AK9: variants seen among roughly 807,000 people sequenced by gnomAD.
AK9 encodes adenylate kinase 9, also known as adenylate kinase domain containing 1.
In AK9, 191 loss-of-function variants were observed where a neutral mutation model predicts 239.6. The observed-to-expected ratio is 0.80, with a 90% CI of 0.71 to 0.90. The LOEUF (loss-of-function observed/expected upper bound fraction) is 0.90. Among genes scored for constraint, AK9 ranks in the 40% least tolerant of loss-of-function variants. The pLI is 0.00. For synonymous variants in AK9, 689 were observed against 721.0 expected (o/e 0.96, Z 0.71); for missense variants, 1,995 against 2,214.7 (o/e 0.90, Z 1.99).
chr6:109,632,683 G>A, intron 12 of AK9: 1 of 959,756 alleles, frequency 1.0e-6, no homozygotes. Flanking sequence ...TTCACATGTG[G>A]GAGCTTTTGG....
At chr6:109,618,804 G>A (rs1331438920) in intron 13 of AK9, among the ~76,000 whole-genome samples, 2 of 152,110 alleles carry the variant, frequency 1.3e-5, no homozygotes, top group Admixed American at 1.3e-4. Context: ...TGTAGATAAA[G>A]GTGTAAATCC....
rs542242162 is a variant in AK9, at chr6:109,601,131, T to A, written c.1842+9234A>T. Among the ~76,000 whole-genome samples, 7 of 152,336 alleles carry A rather than the reference T, an allele frequency of 4.6e-5. No individual in the cohort carries two copies. The South Asian group carries it at 1.5e-3, about 32-fold the overall frequency. ...TGCCTTCTGCTAGCTTTTGAATTTG[T>A]TTGCTCTTGTTTCTCTAGTTCTTTT... is the stretch of plus-strand genomic sequence containing the variant. On this transcript the variant is annotated intron_variant, in intron 17 of 40. Transcript: ENST00000424296.
intron 1 of AK9, among the ~76,000 whole-genome samples, chr6:109,678,523 A>G (rs1315186401): frequency 6.6e-6 from 1 of 152,204 alleles, no homozygotes; most frequent in Admixed American, 6.5e-5. Context: ...AAATATTATC[A>G]TAAGAGAAAT....
intron 17 of AK9, among the ~76,000 whole-genome samples, chr6:109,597,621 C>G (rs1791222020): frequency 6.6e-6 from 1 of 151,930 alleles, no homozygotes; most frequent in Admixed American, 6.6e-5. Context: ...TGCAGTGAGC[C>G]GAGATGGCGC....
intron 20 of AK9, among the ~76,000 whole-genome samples, chr6:109,579,035 G>T (rs1400534724): frequency 6.6e-6 from 1 of 152,124 alleles, no homozygotes; most frequent in African/African-American, 2.4e-5. Flanking sequence ...GTAATTATCT[G>T]TAAAATCTAT....
chr6:109,561,858 A>G (rs965681199), intron 24 of AK9, among the ~76,000 whole-genome samples: 1 of 151,936 alleles, frequency 6.6e-6, no homozygotes, highest in Non-Finnish European at 1.5e-5. Context: ...TGAATCTGAG[A>G]GTTTGTAATT....
intron 27 of AK9, among the ~76,000 whole-genome samples, chr6:109,534,980 A>C (rs9384710): frequency 0.59 from 89,726 of 151,980 alleles, 27,962 homozygotes; most frequent in South Asian, 0.84. Context: ...GTATATGTGC[A>C]ACATTTTCTT....
At position 109,516,549 on chromosome 6, in the gene AK9, C is replaced by G; in HGVS notation, c.3727G>C (p.Asp1243His). The G allele has an allele frequency of 1.3e-6, 2 of 1,551,558 alleles. No homozygotes were observed. The highest frequency in any genetic ancestry group is 2.0e-5 in the Admixed American group (1 of 51,012). ...TCCTCGCCACTCATCTCTTCCTCAT[C>G]TTTTGGAAACTCATCTTCAAGGATG... is the stretch of plus-strand genomic sequence containing the variant. ...ENILEDEFPK[D>H]EEEMSGEEDE... The change falls in exon 30 of 41, where the codon GAT becomes CAT. Residue 1243 changes from aspartate to histidine, a missense_variant. Asp to His is a moderately conservative substitution (Grantham distance 81). This residue lies in a region of AK9 where 1,290 missense variants were observed against 1,392.7 expected (regional missense o/e 0.93). Coordinates refer to ENST00000424296, the MANE Select transcript of AK9 (RefSeq NM_001145128.3).
rs927344089 is a variant in AK9 at position 109,509,175 on chromosome 6, T to G, written c.4481+4A>C. The G allele has an allele frequency of 5.2e-6, 8 of 1,551,572 alleles. No homozygotes were observed. Among genetic ancestry groups the G allele is most frequent in the Non-Finnish European group, 7.0e-6 (8 of 1,146,636 alleles). ...TGTCCCATCCTCTCACCCCATTCAC[T>G]TACCCTGCAGTATTGCACACACTTT... On this transcript the variant is annotated splice_donor_region_variant and intron_variant, in intron 33 of 40. Coordinates refer to ENST00000424296, the MANE Select transcript of AK9 (RefSeq NM_001145128.3).
intron 17 of AK9, among the ~76,000 whole-genome samples, chr6:109,590,255 T>C (rs950391122): frequency 6.6e-6 from 1 of 152,166 alleles, no homozygotes; most frequent in Non-Finnish European, 1.5e-5. Context: ...CTACTCCTTA[T>C]TGGTCTGTTC....
At chr6:109,610,605 A>G in intron 16 of AK9, 92 bp from the exon 17 acceptor site, 1 of 1,309,340 alleles carries the variant, frequency 7.6e-7, no homozygotes, top group Non-Finnish European at 1.0e-6. Flanking sequence ...TATCTGACCC[A>G]AGAAAGTATT....
rs1336871189 is a variant in AK9, at chr6:109,565,513, A to C, written c.2345-668T>G. Among the ~76,000 whole-genome samples the C allele has an allele frequency of 2.0e-5, 3 of 152,168 alleles. No individual in the cohort carries two copies. The East Asian group carries it at 5.8e-4, about 29-fold the overall frequency. ...TTTTTTCAAGAAGATACACCAAAAA[A>C]GACCACAAACTGGCAGTGAGAGATG... On this transcript the variant is annotated intron_variant, in intron 21 of 40. Coordinates refer to ENST00000424296, the MANE Select transcript of AK9 (RefSeq NM_001145128.3).
chr6:109,679,963 G>C (rs962259253), intron 1 of AK9, among the ~76,000 whole-genome samples: 1 of 152,164 alleles, frequency 6.6e-6, no homozygotes, highest in Non-Finnish European at 1.5e-5. Flanking sequence ...CAACATCAAA[G>C]ACCAAAGGTA....
intron 22 of AK9, among the ~76,000 whole-genome samples, 161 bp downstream of exon 22, chr6:109,564,593 TAC>T (rs1257769149): frequency 1.3e-5 from 2 of 152,222 alleles, no homozygotes; most frequent in African/African-American, 4.8e-5. Flanking sequence ...TCTAGTTTGA[TAC>T]ACTTTTAATG....
chr6:109,515,876 C>G lies in AK9; in HGVS notation c.4046G>C (p.Gly1349Ala). The G allele has an allele frequency of 1.9e-6, 3 of 1,551,364 alleles. No homozygotes were observed. The highest frequency in any genetic ancestry group is 2.6e-6 in the Non-Finnish European group (3 of 1,146,652). ...AATTACCTTTACAGGGTCCCAATAG[C>G]CGAATGAGCTTATATACTTGTAGGT... ...TFTYKYISSF[G>A]YWDPVKLSEG... The change falls in exon 31 of 41, where the codon GGC (glycine) becomes GCC (alanine). Residue 1349 changes from glycine to alanine, a missense_variant. Transcript: ENST00000424296.
At position 109,633,534 on chromosome 6, in the gene AK9, C is replaced by T. The variant is rs61419071; in HGVS notation, c.934-211G>A. Among the ~76,000 whole-genome samples the T allele has an allele frequency of 4.8e-3, 729 of 152,192 alleles. 10 individuals carry two copies. The highest frequency in any genetic ancestry group is 0.017 in the African/African-American group (702 of 41,536). ...ACTAGTTTGAACTAGTTGAAAATTA[C>T]AGGACCCTTGTTTTACAAAGAACTA... On this transcript the variant is annotated intron_variant, in intron 10 of 40. Transcript: ENST00000424296.
intron 17 of AK9, among the ~76,000 whole-genome samples, chr6:109,602,506 AT>A (rs1562479305): frequency 6.6e-6 from 1 of 151,736 alleles, no homozygotes; most frequent in African/African-American, 2.4e-5. Flanking sequence ...TGCCCTTAAC[AT>A]TTTTTCCTTC....
chr6:109,547,943 C>T (rs1783809369), intron 25 of AK9, among the ~76,000 whole-genome samples: 1 of 148,988 alleles, frequency 6.7e-6, no homozygotes, highest in African/African-American at 2.5e-5. Flanking sequence ...AAATGGACAA[C>T]AGGTATATGA....
chr6:109,597,368 A>T (rs1791178238), intron 17 of AK9, among the ~76,000 whole-genome samples: 1 of 152,080 alleles, frequency 6.6e-6, no homozygotes, highest in Non-Finnish European at 1.5e-5. Flanking sequence ...AAACGTTAAA[A>T]ATTTTCTTTA....
Sources: allele counts gnomAD v4.1 joint callset (sites outside exome capture counted in the v4.1 genomes callset), GRCh38; gene constraint gnomAD v4.1.1; regional missense constraint gnomAD v4.1.1; transcripts MANE v1.5; gene names NCBI Gene and HGNC (gene_info 2026-07-23, HGNC 2026-07-21).